Variants in RAB11FIP4 observed in about 807,000 individuals in gnomAD.
RAB11FIP4 encodes the protein rab11 family-interacting protein 4.
A neutral mutation model predicts 74.3 loss-of-function variants in RAB11FIP4; 23 were observed. That is an observed-to-expected ratio of 0.31 (90% CI 0.22 to 0.44). RAB11FIP4 has a LOEUF of 0.44. RAB11FIP4 is among the 20% of genes least tolerant of loss of function. RAB11FIP4 has a pLI of 1.00. For synonymous variants in RAB11FIP4, 360 were observed against 359.9 expected, an observed-to-expected ratio of 1.00 and a Z score of 0.00; for missense variants, 630 against 863.9, an observed-to-expected ratio of 0.73 and a Z score of 3.39.
chr17:31,407,368 G>A (rs538039168), intron 1 of RAB11FIP4, among the ~76,000 whole-genome samples: 1 of 152,032 alleles, frequency 6.6e-6, no homozygotes, highest in Admixed American at 6.6e-5. Flanking sequence ...CCTCTTATCT[G>A]TCTGTCTTAT....
intron 1 of RAB11FIP4, among the ~76,000 whole-genome samples, chr17:31,399,915 C>T (rs1407571804): frequency 2.0e-5 from 3 of 150,436 alleles, no homozygotes; most frequent in Admixed American, 1.3e-4. Context: ...TGATGATGCA[C>T]GCCTGTTATC....
chr17:31,538,160 C>T lies in RAB11FIP4; in HGVS notation c.*6428C>T, dbSNP rs945614430. On this transcript the variant is annotated 3_prime_UTR_variant, in exon 15 of 15. Coordinates refer to ENST00000621161, the MANE Select transcript of RAB11FIP4 (RefSeq NM_032932.6). ...CAGGCTGTTGGTGGCAGGCTCCTCC[C>T]GGGGAGCTGTACTGTACAGACCAAG... 1 of 152,320 alleles carries T rather than the reference C, an allele frequency of 6.6e-6. No individual in the cohort carries two copies. Among genetic ancestry groups the T allele is most frequent in the African/African-American group, 2.4e-5 (1 of 41,452 alleles). 9.4% of individuals were successfully genotyped at this position (152,320 alleles called of 1,614,324 possible). A position where few individuals can be genotyped will look rare whatever the true frequency, so the allele number is the denominator to read the frequency against.
chr17:31,445,710 C>T (rs978908198), intron 3 of RAB11FIP4, among the ~76,000 whole-genome samples: 6 of 150,176 alleles, frequency 4.0e-5, no homozygotes, highest in South Asian at 4.2e-4. Flanking sequence ...CTCAGCCTCC[C>T]GAGTAGCTGG....
chr17:31,393,368 A>T (rs2070895490), intron 1 of RAB11FIP4, among the ~76,000 whole-genome samples: 1 of 152,226 alleles, frequency 6.6e-6, no homozygotes, highest in African/African-American at 2.4e-5. Context: ...GCATGGGGAT[A>T]GTCGCGCTCC....
intron 1 of RAB11FIP4, among the ~76,000 whole-genome samples, chr17:31,407,086 C>G (rs1165653007): frequency 8.5e-6 from 1 of 117,504 alleles, no homozygotes; most frequent in South Asian, 2.9e-4. Flanking sequence ...AGGCTTCGCT[C>G]AGTCACCCAG....
intron 3 of RAB11FIP4, among the ~76,000 whole-genome samples, chr17:31,477,831 G>A (rs952600708): frequency 6.6e-6 from 1 of 152,120 alleles, no homozygotes; most frequent in Admixed American, 6.6e-5. Flanking sequence ...CTTACTAGCT[G>A]TATGTCCTTG....
At chr17:31,426,832 C>T (rs192540998) in intron 1 of RAB11FIP4, among the ~76,000 whole-genome samples, 4 of 152,212 alleles carry the variant, frequency 2.6e-5, no homozygotes, top group Admixed American at 2.6e-4. Context: ...AATCTCTTGA[C>T]CTAGTGATCT....
chr17:31,445,647 G>T (rs1200663186), intron 3 of RAB11FIP4, among the ~76,000 whole-genome samples: 1 of 137,952 alleles, frequency 7.2e-6, no homozygotes, highest in Admixed American at 7.9e-5. Context: ...GTGCAATGGC[G>T]TGATCTCCGC....
At chr17:31,515,205 A>G (rs1019615257) in intron 3 of RAB11FIP4, among the ~76,000 whole-genome samples, 4 of 151,980 alleles carry the variant, frequency 2.6e-5, no homozygotes, top group Admixed American at 2.0e-4. Context: ...TTTTGTTTCT[A>G]CTGGGATGCA....
chr17:31,426,599 C>CTTTTTT (rs59839758), intron 1 of RAB11FIP4, among the ~76,000 whole-genome samples: 1 of 122,062 alleles, frequency 8.2e-6, no homozygotes, highest in Admixed American at 9.7e-5. Flanking sequence ...TTTTCTTTTC[C>CTTTTTT]TTTTTTTTTT....
chr17:31,463,590 G>A (rs1013246139), intron 3 of RAB11FIP4, among the ~76,000 whole-genome samples: 3 of 151,974 alleles, frequency 2.0e-5, no homozygotes, highest in East Asian at 1.9e-4. Context: ...TGCAACCTCC[G>A]TCTCCCAGGC....
At position 31,447,255 on chromosome 17, in the gene RAB11FIP4, A is replaced by G. The variant is rs551703825; in HGVS notation, c.336+13133A>G. Reference sequence around the variant, plus strand: ...GCCGAGATTGTGCCACTGCACTCCAACCTGGGCCACAGAGCGTGAGACTCC... The same window carrying G: ...GCCGAGATTGTGCCACTGCACTCCAGCCTGGGCCACAGAGCGTGAGACTCC... On this transcript the variant is annotated intron_variant, in intron 3 of 14. Coordinates refer to ENST00000621161, the MANE Select transcript of RAB11FIP4 (RefSeq NM_032932.6). Among the ~76,000 whole-genome samples the G allele has an allele frequency of 3.7e-3, 570 of 152,280 alleles. 4 individuals carry two copies. Among genetic ancestry groups the G allele is most frequent in the South Asian group, 6.8e-3 (33 of 4,822 alleles).
At chr17:31,414,930 C>T (rs1049207122) in intron 1 of RAB11FIP4, among the ~76,000 whole-genome samples, 2 of 152,224 alleles carry the variant, frequency 1.3e-5, no homozygotes, top group African/African-American at 4.8e-5. Context: ...AGGGCTGGTT[C>T]CTCAGGGGCT....
At chr17:31,531,544 C>A in intron 14 of RAB11FIP4, 72 bp from the exon 15 acceptor site, 1 of 1,007,252 alleles carries the variant, frequency 9.9e-7, no homozygotes, top group Non-Finnish European at 1.6e-6. Flanking sequence ...CTGCGACAAG[C>A]CTGGGAGTCT....
chr17:31,474,679 A>G (rs2142731675), intron 3 of RAB11FIP4, among the ~76,000 whole-genome samples: 1 of 151,896 alleles, frequency 6.6e-6, no homozygotes, highest in Admixed American at 6.6e-5. Flanking sequence ...AAAAAAAAAA[A>G]AAAAAGAGAG....
chr17:31,401,936 T>G (rs2070990219), intron 1 of RAB11FIP4, among the ~76,000 whole-genome samples: 1 of 152,136 alleles, frequency 6.6e-6, no homozygotes, highest in Non-Finnish European at 1.5e-5. Flanking sequence ...TTCCATCTGC[T>G]CACACTTCCT....
Position 31,538,027 on chromosome 17 carries a change from G to GGTGGGACCTGCCCT in RAB11FIP4, c.*6301_*6314dup, listed in dbSNP as rs1242760474. The GGTGGGACCTGCCCT allele has an allele frequency of 6.6e-6, 1 of 152,382 alleles. No homozygotes were observed. Among genetic ancestry groups the GGTGGGACCTGCCCT allele is most frequent in the Non-Finnish European group, 1.5e-5 (1 of 68,166 alleles). 9.4% of individuals were successfully genotyped at this position (152,382 alleles called of 1,614,324 possible). ...GAAACAGGCTTAGCTTTAGTGCTGG[G>GGTGGGACCTGCCCT]GTGGGACCTGCCCTGTGGGCCCCAG... On this transcript the variant is annotated 3_prime_UTR_variant, in exon 15 of 15. Transcript: ENST00000621161.
rs192917823 is a variant in RAB11FIP4, at chr17:31,430,655, G to A, written c.160-1158G>A. The stretch of plus-strand genomic sequence containing the variant: ...ATTACAGGTGTGAGCCACCGCGCCC[G>A]CCCTGGAGTTTGGATTTTTATCCTA... On this transcript the variant is annotated intron_variant, in intron 1 of 14. Coordinates refer to ENST00000621161, the MANE Select transcript of RAB11FIP4 (RefSeq NM_032932.6). Among the ~76,000 whole-genome samples, 231 of 151,932 alleles carry A rather than the reference G, an allele frequency of 1.5e-3. 1 individual carries two copies. Among genetic ancestry groups the A allele is most frequent in the Non-Finnish European group, 2.8e-3 (191 of 67,966 alleles).
chr17:31,442,419 G>A (rs542888409), intron 3 of RAB11FIP4, among the ~76,000 whole-genome samples: 1 of 152,172 alleles, frequency 6.6e-6, no homozygotes, highest in Admixed American at 6.6e-5. Flanking sequence ...ATCAGAGGTT[G>A]GCAAATTACA....
Sources: gnomAD v4.1 joint callset for allele counts (sites outside exome capture counted in the v4.1 genomes callset) on GRCh38, gnomAD v4.1.1 for gene constraint, MANE v1.5 for transcripts, NCBI Gene and HGNC (gene_info 2026-07-23, HGNC 2026-07-21) for gene names.